Variants in CDKAL1 observed in about 807,000 individuals in gnomAD.
CDKAL1 encodes CDKAL1 threonylcarbamoyladenosine tRNA methylthiotransferase.
CDKAL1 carries 32 observed loss-of-function variants against 68.2 expected under a neutral mutation model. The ratio of observed to expected loss-of-function variants is 0.47; its 90% CI spans 0.35 to 0.63. The LOEUF (loss-of-function observed/expected upper bound fraction) is 0.63. CDKAL1 is among the 30% of genes least tolerant of loss of function. The pLI is 0.00. For synonymous variants in CDKAL1, 234 were observed against 244.3 expected, an observed-to-expected ratio of 0.96 and a Z score of 0.39; for missense variants, 606 against 696.7, an observed-to-expected ratio of 0.87 and a Z score of 1.47.
chr6:20,644,142 T>C (rs1258316833), intron 4 of CDKAL1, among the ~76,000 whole-genome samples: 2 of 151,936 alleles, frequency 1.3e-5, no homozygotes, highest in Non-Finnish European at 2.9e-5. Context: ...CTGCTTTTTT[T>C]TTTTTTTTAA....
chr6:20,972,638 C>T (rs1765651576), intron 10 of CDKAL1, among the ~76,000 whole-genome samples: 1 of 152,182 alleles, frequency 6.6e-6, no homozygotes, highest in African/African-American at 2.4e-5. Context: ...GGCACATTTC[C>T]TGTTTGGAAC....
Position 20,738,992 on chromosome 6 carries a change from T to C in CDKAL1, c.372-527T>C, listed in dbSNP as rs148259945. ...GGAAGTAAGCATATGCAGTCAACTT[T>C]AGCATGTCTCTAGGGAGCAGGACTG... On this transcript the variant is annotated intron_variant, in intron 5 of 15. Coordinates refer to ENST00000274695, the MANE Select transcript of CDKAL1 (RefSeq NM_017774.3). Among the ~76,000 whole-genome samples, 144 of 152,350 alleles carry C rather than the reference T, an allele frequency of 9.5e-4. 1 individual carries two copies. Among genetic ancestry groups the C allele is most frequent in the African/African-American group, 3.4e-3 (143 of 41,586 alleles).
chr6:21,168,642 AAAGGAAT>A (rs1777247029), intron 13 of CDKAL1, among the ~76,000 whole-genome samples: 1 of 152,236 alleles, frequency 6.6e-6, no homozygotes, highest in South Asian at 2.1e-4. Context: ...TCTAAGGGCT[AAAGGAAT>A]GTTCTAAAAA....
At chr6:20,843,762 TAG>T (rs879441939) in intron 8 of CDKAL1, among the ~76,000 whole-genome samples, 1 of 152,166 alleles carries the variant, frequency 6.6e-6, no homozygotes, top group Admixed American at 6.5e-5. Context: ...GGTCAACCAA[TAG>T]CTTCCATTAA....
intron 9 of CDKAL1, among the ~76,000 whole-genome samples, chr6:20,872,717 C>T (rs183915998): frequency 1.9e-3 from 3 of 1,610 alleles, no homozygotes; most frequent in Non-Finnish European, 3.4e-3. Context: ...GAAGATAATT[C>T]AGTTGTAATA....
intron 9 of CDKAL1, among the ~76,000 whole-genome samples, chr6:20,920,591 A>G (rs970926454): frequency 6.6e-6 from 1 of 152,226 alleles, no homozygotes; most frequent in Non-Finnish European, 1.5e-5. Context: ...TTCACTGTAT[A>G]CAGAATTAAC....
At chr6:21,171,062 T>A (rs543234118) in intron 13 of CDKAL1, among the ~76,000 whole-genome samples, 49 of 151,986 alleles carry the variant, frequency 3.2e-4, no homozygotes, top group Non-Finnish European at 6.3e-4. Flanking sequence ...ATATAGAAAA[T>A]CTGAAAAGTA....
chr6:20,799,277 C>G (rs539779161), intron 8 of CDKAL1, among the ~76,000 whole-genome samples: 4 of 151,924 alleles, frequency 2.6e-5, no homozygotes, highest in Non-Finnish European at 5.9e-5. Flanking sequence ...GTCTCGAACT[C>G]CCAACCTCAG....
chr6:20,558,807 A>G, intron 4 of CDKAL1: 1 of 345,336 alleles, frequency 2.9e-6, no homozygotes, highest in Non-Finnish European at 5.7e-6. Context: ...AGAAAAGTCG[A>G]CATAAGAGAA....
intron 12 of CDKAL1, among the ~76,000 whole-genome samples, chr6:21,092,594 T>C (rs1402233162): frequency 2.6e-5 from 4 of 151,730 alleles, no homozygotes; most frequent in Admixed American, 2.0e-4. Context: ...TAAACATAAG[T>C]AGCAAGCAAG....
intron 4 of CDKAL1, among the ~76,000 whole-genome samples, chr6:20,559,908 T>C (rs545850318): frequency 1.4e-4 from 21 of 152,334 alleles, no homozygotes; most frequent in African/African-American, 5.1e-4. Flanking sequence ...ATTAATTTTC[T>C]TTTTTAAGAA....
At chr6:20,863,693 T>C (rs1039862767) in intron 9 of CDKAL1, among the ~76,000 whole-genome samples, 2 of 152,278 alleles carry the variant, frequency 1.3e-5, no homozygotes, top group East Asian at 3.9e-4. Context: ...ATAATATGGA[T>C]TGGGCACAGT....
intron 15 of CDKAL1, among the ~76,000 whole-genome samples, chr6:21,201,869 T>A (rs1778705073): frequency 6.6e-6 from 1 of 152,048 alleles, no homozygotes; most frequent in Admixed American, 6.6e-5. Flanking sequence ...GCTACAGTTG[T>A]AAAAGCTGAT....
chr6:20,890,203 G>A (rs1014986568), intron 9 of CDKAL1, among the ~76,000 whole-genome samples: 4 of 152,244 alleles, frequency 2.6e-5, no homozygotes, highest in African/African-American at 9.6e-5. Context: ...GCCTTGGGCA[G>A]TTACTGCCTG....
intron 13 of CDKAL1, among the ~76,000 whole-genome samples, chr6:21,118,519 G>A (rs1460754224): frequency 1.3e-5 from 2 of 152,200 alleles, no homozygotes; most frequent in Non-Finnish European, 2.9e-5. Flanking sequence ...ATAGTGAGAT[G>A]AAAGTATTTC....
chr6:21,000,447 G>A (rs1206310071), intron 11 of CDKAL1, 75 bp downstream of exon 11: 1 of 1,305,386 alleles, frequency 7.7e-7, no homozygotes, highest in Non-Finnish European at 1.1e-6. Context: ...TGCACTTATT[G>A]CAGCCTTACA....
chr6:20,773,423 A>G (rs186354844), intron 7 of CDKAL1, among the ~76,000 whole-genome samples: 28 of 152,388 alleles, frequency 1.8e-4, no homozygotes, highest in Non-Finnish European at 3.5e-4. Flanking sequence ...AACTATGGAC[A>G]TTTTGTAGAA....
intron 5 of CDKAL1, among the ~76,000 whole-genome samples, chr6:20,730,387 AAAAGGAAG>A (rs764088568): frequency 9.9e-5 from 15 of 151,672 alleles, no homozygotes; most frequent in Non-Finnish European, 1.8e-4. Flanking sequence ...GACCCGAAAA[AAAAGGAAG>A]AAAGGAAGAA....
Position 20,708,946 on chromosome 6 carries a change from G to A in CDKAL1, c.372-30573G>A, listed in dbSNP as rs76096646. On this transcript the variant is annotated intron_variant, in intron 5 of 15. Transcript: ENST00000274695. ...ATCATAATAGTCAAACATTGGTCAT[G>A]ATAGAACTTGCTTCAGTACTTCATG... Among the ~76,000 whole-genome samples, 629 of 152,206 alleles carry A rather than the reference G, an allele frequency of 4.1e-3. 3 individuals carry two copies. Among genetic ancestry groups the A allele is most frequent in the African/African-American group, 0.014 (584 of 41,532 alleles).
Sources: allele counts gnomAD v4.1 joint callset (sites outside exome capture counted in the v4.1 genomes callset), GRCh38; gene constraint gnomAD v4.1.1; transcripts MANE v1.5; gene names NCBI Gene and HGNC (gene_info 2026-07-23, HGNC 2026-07-21).